The following ATP13A4 variants were observed in gnomAD, a reference collection of about 807,000 sequenced individuals.
ATP13A4 encodes probable cation-transporting ATPase 13A4.
A neutral mutation model predicts 142.5 loss-of-function variants in ATP13A4; 114 were observed. That is an observed-to-expected ratio of 0.80 (90% CI 0.69 to 0.93). The LOEUF (loss-of-function observed/expected upper bound fraction) is 0.93. ATP13A4 is among the 40% of genes least tolerant of loss of function. The pLI is 0.00. For missense variants in ATP13A4, 1,392 were observed against 1,454.0 expected (o/e 0.96, Z 0.69); for synonymous variants, 488 against 514.8 (o/e 0.95, Z 0.70).
chr3:193,399,934 T>C lies in ATP13A4; in HGVS notation c.*2718A>G, dbSNP rs1052400431. Reference sequence around the variant, plus strand: ...AGCTTGAAAGAGATCTTGCAGGTAATTGAGTTTCATCTGATACTTGACTTC... The same window carrying C: ...AGCTTGAAAGAGATCTTGCAGGTAACTGAGTTTCATCTGATACTTGACTTC... On this transcript the variant is annotated 3_prime_UTR_variant, in exon 30 of 30. Coordinates refer to ENST00000342695, the MANE Select transcript of ATP13A4 (RefSeq NM_032279.4). Among the ~76,000 whole-genome samples, 6 of 151,452 alleles carry C rather than the reference T, an allele frequency of 4.0e-5. No individual in the cohort carries two copies. Among genetic ancestry groups the C allele is most frequent in the African/African-American group, 1.5e-4 (6 of 41,168 alleles).
intron 6 of ATP13A4, 82 bp from the exon 7 acceptor site, chr3:193,489,946 T>A (rs1577016927): frequency 1.4e-6 from 2 of 1,418,472 alleles, no homozygotes; most frequent in East Asian, 4.6e-5. Flanking sequence ...TTCATAATCA[T>A]CTTCATGACA....
At chr3:193,534,309 A>C (rs1722482517) in intron 1 of ATP13A4, among the ~76,000 whole-genome samples, 1 of 152,174 alleles carries the variant, frequency 6.6e-6, no homozygotes, top group African/African-American at 2.4e-5. Flanking sequence ...CAATACCCAA[A>C]AGTTTCAAGT....
At chr3:193,503,621 ACT>A (rs779910765) in intron 2 of ATP13A4, among the ~76,000 whole-genome samples, 1 of 152,160 alleles carries the variant, frequency 6.6e-6, no homozygotes, top group Non-Finnish European at 1.5e-5. Context: ...GCCCTAGCTG[ACT>A]CTGCAAAAGG....
intron 14 of ATP13A4, 131 bp from the exon 15 acceptor site, chr3:193,457,596 G>C (rs1421379324): frequency 2.4e-6 from 2 of 823,996 alleles, no homozygotes; most frequent in Non-Finnish European, 4.1e-6. Flanking sequence ...TTCCCTCAGA[G>C]GTGAACCAGA....
chr3:193,501,104 T>G (rs1720516842), intron 3 of ATP13A4, among the ~76,000 whole-genome samples: 1 of 152,210 alleles, frequency 6.6e-6, no homozygotes. Flanking sequence ...ACTTGGCCAT[T>G]TCTTCATTTA....
At chr3:193,534,229 C>T (rs1458017126) in intron 1 of ATP13A4, among the ~76,000 whole-genome samples, 2 of 152,124 alleles carry the variant, frequency 1.3e-5, no homozygotes, top group Non-Finnish European at 2.9e-5. Flanking sequence ...CATATTCTTC[C>T]CTGATTGAAG....
chr3:193,493,236 C>G, intron 3 of ATP13A4, 76 bp from the exon 4 acceptor site: 1 of 1,240,114 alleles, frequency 8.1e-7, no homozygotes, highest in African/African-American at 1.5e-5. Context: ...GCTAAAGAAG[C>G]ATTTGTTTGA....
chr3:193,540,903 T>C (rs1474175915), intron 1 of ATP13A4, among the ~76,000 whole-genome samples: 2 of 152,340 alleles, frequency 1.3e-5, no homozygotes, highest in South Asian at 4.1e-4. Context: ...TTTTACATTA[T>C]AATTTTCTAT....
intron 1 of ATP13A4, among the ~76,000 whole-genome samples, chr3:193,537,401 T>G (rs1241562277): frequency 6.6e-6 from 1 of 152,126 alleles, no homozygotes; most frequent in Non-Finnish European, 1.5e-5. Context: ...TGCCCTCAAC[T>G]TAAGTCTTAT....
At chr3:193,473,546 C>T (rs1295304552) in intron 8 of ATP13A4, among the ~76,000 whole-genome samples, 1 of 152,106 alleles carries the variant, frequency 6.6e-6, no homozygotes, top group Non-Finnish European at 1.5e-5. Context: ...CAAAGTATCT[C>T]TCAACAAAAT....
intron 8 of ATP13A4, among the ~76,000 whole-genome samples, chr3:193,475,160 G>A (rs75115051): frequency 0.053 from 8,100 of 152,072 alleles, 284 homozygotes; most frequent in Non-Finnish European, 0.079. Flanking sequence ...AATCTGTGCC[G>A]AAGATATACT....
chr3:193,438,447 A>G (rs1211153799), intron 23 of ATP13A4, 28 bp downstream of exon 23: 1 of 1,531,418 alleles, frequency 6.5e-7, no homozygotes, highest in African/African-American at 1.4e-5. Flanking sequence ...AGAGAGAGAA[A>G]ACAATGTTTG....
chr3:193,568,239 G>A (rs1020918132), intron 2 of ATP13A4, among the ~76,000 whole-genome samples: 12 of 151,996 alleles, frequency 7.9e-5, no homozygotes, highest in Non-Finnish European at 1.6e-4. Context: ...GGGATTACAG[G>A]CATGAGCCAC....
intron 1 of ATP13A4, among the ~76,000 whole-genome samples, chr3:193,585,705 T>G (rs1184483267): frequency 6.6e-6 from 1 of 152,092 alleles, no homozygotes; most frequent in African/African-American, 2.4e-5. Flanking sequence ...TTGAGGAGTA[T>G]TTCATTGTGT....
At position 193,462,781 on chromosome 3, in the gene ATP13A4, C is replaced by G. The variant is rs141133200; in HGVS notation, c.1504G>C (p.Val502Leu). ...ACTCACCCATTCCTATCACAGGACA[C>G]GACTCCCCAGAGGTCCAAGCCGTCC... ...TRDGLDLWGV[V>L]SCDRNGFQEV... Residue 502 changes from valine (V) to leucine (L), a missense_variant, in exon 13 of 30, where the codon GTG becomes CTG. Transcript: ENST00000342695. 92 of 1,613,648 alleles carry G rather than the reference C, an allele frequency of 5.7e-5. No homozygotes were observed. Among genetic ancestry groups the G allele is most frequent in the Non-Finnish European group, 7.5e-5 (89 of 1,179,750 alleles).
intron 1 of ATP13A4, 52 bp downstream of exon 1, chr3:193,554,682 GTGTGTC>G (rs747982471): frequency 5.3e-6 from 6 of 1,122,206 alleles, no homozygotes; most frequent in African/African-American, 1.8e-5. Context: ...GTGTGTGTGT[GTGTGTC>G]TCGCAGGCTG....
intron 25 of ATP13A4, among the ~76,000 whole-genome samples, chr3:193,427,595 T>C (rs955876245): frequency 6.6e-6 from 1 of 151,550 alleles, no homozygotes. Flanking sequence ...TACAGAGATA[T>C]AGACCAATGG....
intron 7 of ATP13A4, 103 bp downstream of exon 7, chr3:193,489,627 C>T (rs1298831969): frequency 1.3e-5 from 17 of 1,266,898 alleles, no homozygotes; most frequent in Middle Eastern, 2.7e-4. Context: ...TCATTTACTA[C>T]GGAGTAGGAA....
intron 16 of ATP13A4, among the ~76,000 whole-genome samples, chr3:193,455,609 T>C (rs981531603): frequency 6.6e-6 from 1 of 152,166 alleles, no homozygotes; most frequent in African/African-American, 2.4e-5. Context: ...GTTAAACCAC[T>C]GTGGAAGAAA....
Sources: allele counts gnomAD v4.1 joint callset (sites outside exome capture counted in the v4.1 genomes callset), GRCh38; gene constraint gnomAD v4.1.1; transcripts MANE v1.5; gene names NCBI Gene and HGNC (gene_info 2026-07-23, HGNC 2026-07-21).